The following GOLM2 variants were observed in gnomAD, a reference collection of about 807,000 sequenced individuals.
GOLM2 encodes the protein protein GOLM2.
GOLM2 carries 26 observed loss-of-function variants against 55.9 expected under a neutral mutation model. That is an observed-to-expected ratio of 0.47 (90% CI 0.34 to 0.65). The LOEUF is 0.65. Ranked by LOEUF, GOLM2 falls within the 30% of genes least tolerant of loss-of-function variation. The pLI is 0.01. For synonymous variants in GOLM2, 165 were observed against 194.6 expected (o/e 0.85, Z 1.27); for missense variants, 486 against 531.8 (o/e 0.91, Z 0.85).
intron 8 of GOLM2, among the ~76,000 whole-genome samples, chr15:44,395,649 G>C (rs1238699086): frequency 6.6e-6 from 1 of 151,682 alleles, no homozygotes. Flanking sequence ...AGACCATCCT[G>C]GCCAACATGA....
intron 4 of GOLM2, among the ~76,000 whole-genome samples, chr15:44,333,743 G>A (rs762979423): frequency 7.3e-5 from 11 of 151,484 alleles, no homozygotes; most frequent in Non-Finnish European, 1.3e-4. Flanking sequence ...TTGAGATGGC[G>A]TCTCACTCTG....
At chr15:44,333,433 G>A (rs2079035631) in intron 4 of GOLM2, among the ~76,000 whole-genome samples, 2 of 152,174 alleles carry the variant, frequency 1.3e-5, no homozygotes, top group South Asian at 4.1e-4. Flanking sequence ...TATAGAGGGT[G>A]TCATTTCTTT....
At chr15:44,300,022 C>T (rs2078786263) in intron 1 of GOLM2, among the ~76,000 whole-genome samples, 1 of 150,430 alleles carries the variant, frequency 6.6e-6, no homozygotes, top group Non-Finnish European at 1.5e-5. Context: ...ATCACTTGAG[C>T]CCAGGAGTTT....
At chr15:44,369,372 C>T (rs1009185193) in intron 6 of GOLM2, among the ~76,000 whole-genome samples, 5 of 151,190 alleles carry the variant, frequency 3.3e-5, no homozygotes, top group African/African-American at 1.2e-4. Flanking sequence ...CCACCACTCT[C>T]TATCACATCT....
chr15:44,407,522 C>T (rs2079605559), intron 9 of GOLM2, among the ~76,000 whole-genome samples: 1 of 151,704 alleles, frequency 6.6e-6, no homozygotes, highest in African/African-American at 2.4e-5. Context: ...GCAATCAGGC[C>T]ACCTCGGTCT....
chr15:44,302,525 C>G (rs2078806020), intron 1 of GOLM2, among the ~76,000 whole-genome samples: 1 of 151,756 alleles, frequency 6.6e-6, no homozygotes, highest in Non-Finnish European at 1.5e-5. Context: ...GGGTCTCACT[C>G]TGTTGCCCAG....
intron 6 of GOLM2, among the ~76,000 whole-genome samples, chr15:44,374,308 G>T (rs1026387171): frequency 6.6e-6 from 1 of 151,832 alleles, no homozygotes; most frequent in Non-Finnish European, 1.5e-5. Context: ...CTTTATCAAT[G>T]ATATATGTTT....
chr15:44,358,135 C>T (rs2079209996), intron 6 of GOLM2, among the ~76,000 whole-genome samples: 1 of 152,192 alleles, frequency 6.6e-6, no homozygotes, highest in African/African-American at 2.4e-5. Context: ...AGGCAGATCA[C>T]CTGAGGCCAG....
intron 6 of GOLM2, among the ~76,000 whole-genome samples, chr15:44,360,953 A>C (rs1211179196): frequency 6.6e-6 from 1 of 151,884 alleles, no homozygotes; most frequent in South Asian, 2.1e-4. Context: ...CTGAATGACT[A>C]CTGGGTACAT....
At position 44,337,723 on chromosome 15, in the gene GOLM2, T is replaced by A. The variant is rs1293851264; in HGVS notation, c.577-40T>A. 5.4e-6 allele frequency: 8 copies of A among 1,477,488 alleles called. No individual in the cohort carries two copies. The Admixed American group carries it at 2.0e-4, about 36-fold the overall frequency. The allele number at this position is 1,477,488 out of a possible 1,614,324, so 91.5% of individuals were successfully genotyped here. A position where few individuals can be genotyped will look rare whatever the true frequency, so the allele number is the denominator to read the frequency against. On this transcript the variant is annotated intron_variant, in intron 4 of 9. Coordinates refer to ENST00000299957, the MANE Select transcript of GOLM2 (RefSeq NM_138423.4). ...AATAGTTGTGTCGGTGGTTTAACAA[T>A]TTGAACTGAAAAATATTATTACCAA...
intron 1 of GOLM2, among the ~76,000 whole-genome samples, chr15:44,302,903 C>T (rs2078808808): frequency 6.6e-6 from 1 of 152,006 alleles, no homozygotes; most frequent in Non-Finnish European, 1.5e-5. Flanking sequence ...CAGAGGTCAA[C>T]ACCATCCTGG....
At chr15:44,294,951 A>C (rs1419221437) in intron 1 of GOLM2, among the ~76,000 whole-genome samples, 1 of 151,938 alleles carries the variant, frequency 6.6e-6, no homozygotes, top group East Asian at 1.9e-4. Flanking sequence ...TGCTACTATA[A>C]GGTTATCTTT....
At chr15:44,404,300 G>A (rs1193305289) in intron 9 of GOLM2, among the ~76,000 whole-genome samples, 1 of 152,026 alleles carries the variant, frequency 6.6e-6, no homozygotes, top group African/African-American at 2.4e-5. Context: ...AAATGTAGTT[G>A]TTCTAGAAAA....
intron 9 of GOLM2, among the ~76,000 whole-genome samples, chr15:44,412,203 T>C (rs374014360): frequency 6.6e-6 from 1 of 152,064 alleles, no homozygotes; most frequent in African/African-American, 2.4e-5. Flanking sequence ...AAAAACCTCT[T>C]CAGCAGTCTC....
At chr15:44,387,057 C>T (rs1430345734) in intron 8 of GOLM2, among the ~76,000 whole-genome samples, 1 of 151,840 alleles carries the variant, frequency 6.6e-6, no homozygotes, top group Non-Finnish European at 1.5e-5. Context: ...CACCTGTAGT[C>T]CCCGTTACTT....
In GOLM2 at chr15:44,289,229, A is replaced by T; in HGVS notation, c.200A>T (p.Asn67Ile). The change falls in exon 1 of 10, where the codon AAT (asparagine) becomes ATT (isoleucine). Residue 67 changes from asparagine to isoleucine, a missense_variant. By Grantham distance (149) the Asn-to-Ile change is moderately radical. Transcript: ENST00000299957. The surrounding 1 kb of genome is among the most constrained non-coding windows in gnomAD (Gnocchi z 4.8). ...GCCCGCGGGCGGCTGGAAAAGCGCAATTCGGACCTCTTGCTGTTGGTGGAC... is the reference window on the plus strand; with the variant it reads ...GCCCGCGGGCGGCTGGAAAAGCGCATTTCGGACCTCTTGCTGTTGGTGGAC... The part of the protein sequence containing the change: ...EVARGRLEKR[N>I]SDLLLLVDTH... 3.1e-6 allele frequency: 5 copies of T among 1,614,170 alleles called. No homozygotes were observed. The highest frequency in any genetic ancestry group is 1.6e-4 in the Middle Eastern group (1 of 6,062).
chr15:44,410,341 G>GA (rs1217784221), intron 9 of GOLM2, among the ~76,000 whole-genome samples: 1 of 152,212 alleles, frequency 6.6e-6, no homozygotes, highest in Admixed American at 6.5e-5. Flanking sequence ...TGAGGCAGGA[G>GA]AATGGCGCGA....
intron 9 of GOLM2, among the ~76,000 whole-genome samples, chr15:44,405,921 C>T (rs2079594629): frequency 6.6e-6 from 1 of 152,092 alleles, no homozygotes; most frequent in Non-Finnish European, 1.5e-5. Context: ...CACACCTGGC[C>T]ATCCAGGGAT....
chr15:44,316,429 G>C (rs1237549787), intron 1 of GOLM2, among the ~76,000 whole-genome samples: 1 of 152,272 alleles, frequency 6.6e-6, no homozygotes, highest in Non-Finnish European at 1.5e-5. Context: ...GATATTAAAT[G>C]AAGGCTCTCA....
Sources: allele counts gnomAD v4.1 joint callset (sites outside exome capture counted in the v4.1 genomes callset), GRCh38; gene constraint gnomAD v4.1.1; non-coding constraint Gnocchi (gnomAD v3.1); transcripts MANE v1.5; gene names NCBI Gene and HGNC (gene_info 2026-07-23, HGNC 2026-07-21).